Variants in DIP2C observed in about 807,000 individuals in gnomAD.
The protein encoded by DIP2C is disco-interacting protein 2 homolog C.
A neutral mutation model predicts 192.4 loss-of-function variants in DIP2C; 33 were observed. The observed-to-expected ratio is 0.17, with a 90% CI of 0.13 to 0.23. The LOEUF is 0.23. Ranked by LOEUF, DIP2C falls within the 10% of genes least tolerant of loss-of-function variation. The pLI is 1.00. For synonymous variants in DIP2C, 979 were observed against 864.1 expected (o/e 1.13, Z -2.33); for missense variants, 1,537 against 2,110.1 (o/e 0.73, Z 5.32).
intron 3 of DIP2C, among the ~76,000 whole-genome samples, chr10:454,188 A>G (rs185034312): frequency 1.3e-5 from 2 of 152,268 alleles, no homozygotes; most frequent in East Asian, 1.9e-4. Context: ...CACTCTAAGA[A>G]CCCAGAAGCA....
At chr10:597,361 G>A (rs966347805) in intron 1 of DIP2C, among the ~76,000 whole-genome samples, 1 of 151,866 alleles carries the variant, frequency 6.6e-6, no homozygotes, top group Non-Finnish European at 1.5e-5. Flanking sequence ...CACACACACC[G>A]GGCTGGCTCT....
intron 7 of DIP2C, 109 bp downstream of exon 7, chr10:415,660 G>A (rs1589740307): frequency 4.1e-6 from 6 of 1,462,030 alleles, no homozygotes; most frequent in Non-Finnish European, 5.6e-6. Flanking sequence ...TGCGGCAAAT[G>A]CCACGATTAC....
intron 1 of DIP2C, among the ~76,000 whole-genome samples, chr10:549,333 G>A (rs1564839732): frequency 6.6e-6 from 1 of 152,130 alleles, no homozygotes; most frequent in African/African-American, 2.4e-5. Flanking sequence ...ACCCTTTGGA[G>A]CAGACAGTCC....
chr10:686,369 C>G (rs990416894), intron 1 of DIP2C, among the ~76,000 whole-genome samples: 1 of 151,160 alleles, frequency 6.6e-6, no homozygotes, highest in African/African-American at 2.4e-5. Context: ...TCCCCACCTG[C>G]ACAGCCTCCT....
At position 418,545 on chromosome 10, in the gene DIP2C, T is replaced by C. The variant is rs74970004; in HGVS notation, c.739+520A>G. 6.3e-3 allele frequency among the ~76,000 whole-genome samples: 952 copies of C among 152,304 alleles called. 3 individuals are homozygous for C. Among genetic ancestry groups the C allele is most frequent in the Middle Eastern group, 0.014 (4 of 294 alleles). ...CGCTGTAGTCAGAATATACCAAGAC[T>C]GGGCCACAAAGAAGGAAGGAAGAAG... On this transcript the variant is annotated intron_variant, in intron 6 of 36. Coordinates refer to ENST00000280886, the MANE Select transcript of DIP2C (RefSeq NM_014974.3).
At chr10:458,165 C>T (rs1338740985) in intron 3 of DIP2C, among the ~76,000 whole-genome samples, 2 of 152,222 alleles carry the variant, frequency 1.3e-5, no homozygotes, top group African/African-American at 4.8e-5. Context: ...CCTCTGGGGA[C>T]ATCACAGTGG....
intron 27 of DIP2C, 37 bp downstream of exon 27, chr10:344,962 C>G (rs1958358841): frequency 6.2e-7 from 1 of 1,606,006 alleles, no homozygotes; most frequent in Non-Finnish European, 8.5e-7. Context: ...CTGAGCAAGG[C>G]CGTGAGCAAA....
At chr10:518,841 G>C (rs979695890) in intron 1 of DIP2C, among the ~76,000 whole-genome samples, 1 of 152,192 alleles carries the variant, frequency 6.6e-6, no homozygotes, top group African/African-American at 2.4e-5. Context: ...CGCCACCACA[G>C]ATCCCACCTC....
intron 1 of DIP2C, among the ~76,000 whole-genome samples, chr10:671,172 G>A (rs1830614406): frequency 6.6e-6 from 1 of 152,206 alleles, no homozygotes; most frequent in Non-Finnish European, 1.5e-5. Context: ...GCCACACAGG[G>A]GACACATGCC....
chr10:364,383 T>G lies in DIP2C; in HGVS notation c.2468A>C (p.Tyr823Ser). 1 of 1,611,078 alleles carries G rather than the reference T, an allele frequency of 6.2e-7. No individual in the cohort carries two copies. ...GCAGAACGCCACTGACCTTCCCCGG[T>G]AGACAAACTTCATGGGTTCTACGGC... Reference protein sequence around the residue: ...ALAVEPMKFVYRGRIAVFSVT... With the variant: ...ALAVEPMKFVSRGRIAVFSVT... Residue 823 changes from tyrosine (Y) to serine (S), a missense_variant, in exon 20 of 37, where the codon TAC becomes TCC. Physicochemically the swap from Tyr to Ser is moderately radical, Grantham distance 144. Transcript: ENST00000280886.
chr10:460,796 A>G (rs1219771955), intron 3 of DIP2C, among the ~76,000 whole-genome samples: 1 of 152,232 alleles, frequency 6.6e-6, no homozygotes, highest in Non-Finnish European at 1.5e-5. Context: ...TGTTAAGGGC[A>G]GCCAGAGAGA....
chr10:362,136 C>G (rs1179515877), intron 22 of DIP2C, among the ~76,000 whole-genome samples: 1 of 151,926 alleles, frequency 6.6e-6, no homozygotes, highest in African/African-American at 2.4e-5. Flanking sequence ...AGAAGTAGGT[C>G]AGAAATGAAA....
At chr10:441,026 G>A (rs757871606) in intron 3 of DIP2C, 30 bp from the exon 4 acceptor site, 2 of 1,600,574 alleles carry the variant, frequency 1.2e-6, no homozygotes, top group Non-Finnish European at 1.7e-6. Flanking sequence ...GTCACTCAGT[G>A]CTCAGCTGAG....
chr10:650,326 G>A (rs1277033909), intron 1 of DIP2C: 2 of 716,450 alleles, frequency 2.8e-6, no homozygotes, highest in South Asian at 1.5e-5. Flanking sequence ...TGTGGACCAC[G>A]CCAGCCCACA....
At chr10:410,335 T>C (rs1450171334) in intron 8 of DIP2C, among the ~76,000 whole-genome samples, 4 of 152,240 alleles carry the variant, frequency 2.6e-5, no homozygotes, top group African/African-American at 9.6e-5. Flanking sequence ...GTGTGCATTC[T>C]AGCATATTCT....
chr10:442,622 C>T (rs7920177), intron 3 of DIP2C, among the ~76,000 whole-genome samples: 24,235 of 152,158 alleles, frequency 0.16, 4,994 homozygotes, highest in African/African-American at 0.48. Context: ...GGCTCACCAA[C>T]TGCTCCTATC....
At chr10:384,514 A>T in intron 15 of DIP2C, 32 bp downstream of exon 15, 1 of 1,605,510 alleles carries the variant, frequency 6.2e-7, no homozygotes, top group Non-Finnish European at 8.5e-7. Context: ...CTGGGATTAC[A>T]GGTGTGAGCC....
chr10:343,039 C>T (rs1038987974), intron 28 of DIP2C, among the ~76,000 whole-genome samples: 2 of 152,172 alleles, frequency 1.3e-5, no homozygotes, highest in African/African-American at 2.4e-5. Context: ...CCTGTGATCC[C>T]AGCACTTTGG....
In DIP2C at chr10:402,155, T is replaced by C. The variant is rs375197464; in HGVS notation, c.1150-2936A>G. 1.8e-3 allele frequency among the ~76,000 whole-genome samples: 4 copies of C among 2,192 alleles called. 1 individual carries two copies. The highest frequency in any genetic ancestry group is 2.1e-3 in the African/African-American group (3 of 1,440). The allele number at this position is 2,192 out of a possible 152,430, so 1.4% of individuals were successfully genotyped here. ...AGCACATGAATCCTGTGATTTTACATGTGTGGTAGCATTAGCATTACTCTT... is the reference window on the plus strand; with the variant it reads ...AGCACATGAATCCTGTGATTTTACACGTGTGGTAGCATTAGCATTACTCTT... On this transcript the variant is annotated intron_variant, in intron 9 of 36. Coordinates refer to ENST00000280886, the MANE Select transcript of DIP2C (RefSeq NM_014974.3).
Sources: gnomAD v4.1 joint callset for allele counts (sites outside exome capture counted in the v4.1 genomes callset) on GRCh38, gnomAD v4.1.1 for gene constraint, MANE v1.5 for transcripts, NCBI Gene and HGNC (gene_info 2026-07-23, HGNC 2026-07-21) for gene names.